Variants in TMX3 observed in about 807,000 individuals in gnomAD.
TMX3 encodes the protein protein disulfide-isomerase TMX3.
TMX3 carries 40 observed loss-of-function variants against 64.4 expected under a neutral mutation model. The ratio of observed to expected loss-of-function variants is 0.62; its 90% CI spans 0.48 to 0.81. The LOEUF is 0.81. Among genes scored for constraint, TMX3 ranks in the 30% least tolerant of loss-of-function variants. The pLI, the probability that TMX3 is intolerant of heterozygous loss-of-function variation, is 0.00. For missense variants in TMX3, 497 were observed against 534.5 expected (o/e 0.93, Z 0.69); for synonymous variants, 189 against 175.7 (o/e 1.08, Z -0.60).
In TMX3 at chr18:68,695,096, C is replaced by A. The variant is rs200684112; in HGVS notation, c.570+2130G>T. The stretch of plus-strand genomic sequence containing the variant: ...AGACTATACTTGTGGTCTCCACTTT[C>A]TTACTTGCCATCAGTGTCTCTCAAA... On this transcript the variant is annotated intron_variant, in intron 8 of 15. Transcript: ENST00000299608. Among the ~76,000 whole-genome samples, 460 of 110,370 alleles carry A rather than the reference C, an allele frequency of 4.2e-3. 1 individual carries two copies. Among genetic ancestry groups the A allele is most frequent in the Non-Finnish European group, 6.0e-3 (339 of 56,394 alleles). The allele number at this position is 110,370 out of a possible 152,430, so 72.4% of individuals were successfully genotyped here. A position where few individuals can be genotyped will look rare whatever the true frequency, so the allele number is the denominator to read the frequency against.
At chr18:68,686,755 G>A (rs990307171) in intron 10 of TMX3, 17 of 984,516 alleles carry the variant, frequency 1.7e-5, no homozygotes, top group South Asian at 9.4e-5. Flanking sequence ...CACTGTCCCC[G>A]GCAACTTCCA....
At chr18:68,711,811 T>C (rs2031305683) in intron 2 of TMX3, among the ~76,000 whole-genome samples, 1 of 152,184 alleles carries the variant, frequency 6.6e-6, no homozygotes. Context: ...AGAAGTGTTC[T>C]CACCATTTCC....
intron 9 of TMX3, chr18:68,690,011 CATTT>C (rs1186671715): frequency 2.0e-5 from 3 of 152,072 alleles, no homozygotes; most frequent in Non-Finnish European, 2.9e-5. Flanking sequence ...TCAGCTCTCA[CATTT>C]ATTTAAAGAC....
intron 8 of TMX3, among the ~76,000 whole-genome samples, chr18:68,696,043 T>G (rs1915034145): frequency 6.6e-6 from 1 of 152,202 alleles, no homozygotes; most frequent in Admixed American, 6.5e-5. Flanking sequence ...CACGGCTCCT[T>G]CATATCACGT....
chr18:68,694,382 T>G (rs1327981804), intron 8 of TMX3, among the ~76,000 whole-genome samples: 1 of 152,304 alleles, frequency 6.6e-6, no homozygotes, highest in South Asian at 2.1e-4. Context: ...CCACTTGCAG[T>G]ACATCTGGTC....
chr18:68,687,326 A>G, intron 10 of TMX3: 3 of 985,382 alleles, frequency 3.0e-6, no homozygotes, highest in Non-Finnish European at 3.6e-6. Context: ...GGCCTTATAA[A>G]TAGGTTGTGC....
intron 8 of TMX3, among the ~76,000 whole-genome samples, chr18:68,692,308 C>G (rs375649425): frequency 3.3e-5 from 5 of 152,266 alleles, no homozygotes; most frequent in South Asian, 2.1e-4. Context: ...ATAGTTCTTA[C>G]TAGAACACAA....
At chr18:68,702,158 G>A (rs2030156153) in intron 4 of TMX3, among the ~76,000 whole-genome samples, 1 of 110,788 alleles carries the variant, frequency 9.0e-6, no homozygotes, top group Non-Finnish European at 1.7e-5. Context: ...TTTCTTCTAG[G>A]TCTCATTTAC....
At chr18:68,712,715 A>G (rs1353293469) in intron 2 of TMX3, among the ~76,000 whole-genome samples, 1 of 152,108 alleles carries the variant, frequency 6.6e-6, no homozygotes, top group Non-Finnish European at 1.5e-5. Flanking sequence ...CAAGGCACTA[A>G]GTTTAATAAG....
chr18:68,708,095 A>G (rs2030911304), intron 4 of TMX3, among the ~76,000 whole-genome samples: 1 of 151,592 alleles, frequency 6.6e-6, no homozygotes, highest in Non-Finnish European at 1.5e-5. Flanking sequence ...ATGTGTGTAT[A>G]TATATATATG....
Position 68,675,191 on chromosome 18 carries a change from G to C in TMX3, c.*1742C>G, listed in dbSNP as rs1238055512. 6.6e-6 allele frequency: 1 copy of C among 152,004 alleles called. No homozygotes were observed. The highest frequency in any genetic ancestry group is 1.5e-5 in the Non-Finnish European group (1 of 67,974). The allele number at this position is 152,004 out of a possible 1,614,324, so 9.4% of individuals were successfully genotyped here. A position where few individuals can be genotyped will look rare whatever the true frequency, so the allele number is the denominator to read the frequency against. On this transcript the variant is annotated 3_prime_UTR_variant, in exon 16 of 16. Transcript: ENST00000299608. The stretch of plus-strand genomic sequence containing the variant: ...ACTGCAAAACAAGCTTGACTATTGG[G>C]AACATTAACATTTATCTTCCCAAGA...
At chr18:68,695,912 A>C (rs1358888723) in intron 8 of TMX3, among the ~76,000 whole-genome samples, 1 of 152,056 alleles carries the variant, frequency 6.6e-6, no homozygotes, top group Admixed American at 6.5e-5. Context: ...ACTTCCCATC[A>C]CACTGTAGGC....
At chr18:68,710,350 G>A (rs1456072766) in intron 3 of TMX3, among the ~76,000 whole-genome samples, 6 of 151,810 alleles carry the variant, frequency 4.0e-5, no homozygotes, top group South Asian at 2.1e-4. Context: ...CCTCAAAACC[G>A]GTACTATCTT....
rs769980242 is a variant in TMX3 at position 68,713,893 on chromosome 18, TACA to T, written c.51_53del (p.Val18del). ...ATCCTTTACAGACGACCATATCAAGTACAACAACTGAAAAAAAAAGACAAAATG... is the reference window on the plus strand; with the variant it reads ...ATCCTTTACAGACGACCATATCAAGTACAACTGAAAAAAAAAGACAAAATG... On this transcript the variant is annotated inframe_deletion, in exon 2 of 16. Transcript: ENST00000299608. 1.9e-5 allele frequency: 30 copies of T among 1,583,606 alleles called. No homozygotes were observed. The highest frequency in any genetic ancestry group is 1.7e-4 in the Middle Eastern group (1 of 5,944).
chr18:68,703,898 C>T (rs56265745), intron 4 of TMX3, among the ~76,000 whole-genome samples: 4,702 of 152,124 alleles, frequency 0.031, 247 homozygotes, highest in African/African-American at 0.11. Context: ...CCACAGCACT[C>T]CAGCCTGGGT....
intron 8 of TMX3, among the ~76,000 whole-genome samples, chr18:68,693,161 G>GC (rs1200789569): frequency 6.6e-6 from 1 of 152,212 alleles, no homozygotes; most frequent in African/African-American, 2.4e-5. Flanking sequence ...GACTCTGATG[G>GC]CAAGTGTGGC....
chr18:68,702,942 TCCTAAGAGGTA>T (rs895683692), intron 4 of TMX3, among the ~76,000 whole-genome samples: 7 of 152,338 alleles, frequency 4.6e-5, no homozygotes, highest in Admixed American at 2.0e-4. Context: ...ACACGTATCT[TCCTAAGAGGTA>T]GCATAAACAG....
intron 8 of TMX3, among the ~76,000 whole-genome samples, chr18:68,693,328 C>T (rs904534422): frequency 2.6e-5 from 4 of 152,194 alleles, no homozygotes; most frequent in Non-Finnish European, 5.9e-5. Flanking sequence ...CTACCAAGTT[C>T]GTGGGGTGGG....
At chr18:68,683,168 A>G (rs1352245595) in intron 12 of TMX3, among the ~76,000 whole-genome samples, 187 bp from the exon 13 acceptor site, 1 of 152,182 alleles carries the variant, frequency 6.6e-6, no homozygotes, top group Admixed American at 6.5e-5. Flanking sequence ...AAAAGTGTAA[A>G]TTCTACTGGC....
Sources: gnomAD v4.1 joint callset for allele counts (sites outside exome capture counted in the v4.1 genomes callset) on GRCh38, gnomAD v4.1.1 for gene constraint, MANE v1.5 for transcripts, NCBI Gene and HGNC (gene_info 2026-07-23, HGNC 2026-07-21) for gene names.